Variants in EMB observed in about 807,000 individuals in gnomAD.
The protein encoded by EMB is embigin, also known as embigin homolog.
EMB carries 31 observed loss-of-function variants against 41.4 expected under a neutral mutation model. The ratio of observed to expected loss-of-function variants is 0.75; its 90% CI spans 0.56 to 1.01. EMB has a LOEUF of 1.01. EMB is among the 50% of genes least tolerant of loss of function. The pLI, the probability that EMB is intolerant of heterozygous loss-of-function variation, is 0.00. For missense variants in EMB, 379 were observed against 388.3 expected (o/e 0.98, Z 0.20); for synonymous variants, 137 against 140.4 (o/e 0.98, Z 0.17).
intron 5 of EMB, among the ~76,000 whole-genome samples, chr5:50,405,151 T>C (rs1745227435): frequency 6.6e-6 from 1 of 151,962 alleles, no homozygotes. Flanking sequence ...ATCAGCTCTT[T>C]GAATAGCGAT....
At chr5:50,432,414 G>A (rs1745734418) in intron 1 of EMB, among the ~76,000 whole-genome samples, 2 of 152,014 alleles carry the variant, frequency 1.3e-5, no homozygotes, top group Non-Finnish European at 2.9e-5. Flanking sequence ...CAGAAACACT[G>A]ATAGGAATGA....
chr5:50,399,427 A>C, intron 8 of EMB, 137 bp from the exon 9 acceptor site: 1 of 1,261,428 alleles, frequency 7.9e-7, no homozygotes. Context: ...CTCCTACTCT[A>C]ATGTTGATGA....
At chr5:50,430,530 A>G (rs189282454) in intron 1 of EMB, among the ~76,000 whole-genome samples, 21 of 152,314 alleles carry the variant, frequency 1.4e-4, no homozygotes, top group African/African-American at 4.8e-4. Flanking sequence ...CTGATGGAGA[A>G]TATGAAGCTG....
intron 2 of EMB, among the ~76,000 whole-genome samples, chr5:50,427,137 TTCTC>T (rs1745624615): frequency 6.6e-6 from 1 of 152,132 alleles, no homozygotes; most frequent in African/African-American, 2.4e-5. Flanking sequence ...TATATAACAT[TTCTC>T]TCTAATAAAA....
At chr5:50,439,002 T>C (rs1347062957) in intron 1 of EMB, among the ~76,000 whole-genome samples, 3 of 151,552 alleles carry the variant, frequency 2.0e-5, no homozygotes, top group African/African-American at 4.9e-5. Flanking sequence ...GTCTAGGCCA[T>C]ATCATTTTAA....
intron 2 of EMB, among the ~76,000 whole-genome samples, chr5:50,417,763 T>C (rs16879103): frequency 0.062 from 9,490 of 152,172 alleles, 929 homozygotes; most frequent in African/African-American, 0.21. Flanking sequence ...ACTTTTAGAA[T>C]TTTTTTTACA....
chr5:50,406,472 A>C (rs1745251174), intron 4 of EMB, among the ~76,000 whole-genome samples: 1 of 151,862 alleles, frequency 6.6e-6, no homozygotes, highest in African/African-American at 2.4e-5. Flanking sequence ...AGGAAGTTTG[A>C]AGTAGATTCC....
rs1745089338 is a variant in EMB at position 50,397,525 on chromosome 5, C to T, written c.*1748G>A. The T allele has an allele frequency of 6.6e-6, 1 of 152,072 alleles. No homozygotes were observed. Among genetic ancestry groups the T allele is most frequent in the African/African-American group, 2.4e-5 (1 of 41,426 alleles). The allele number at this position is 152,072 out of a possible 1,614,324, so 9.4% of individuals were successfully genotyped here. On this transcript the variant is annotated 3_prime_UTR_variant, in exon 9 of 9. Transcript: ENST00000303221. ...GAATGCATACTGCAGATGGGTTACA[C>T]ATTTGTTTGTGTTCTATATTCCAAG... is the stretch of plus-strand genomic sequence containing the variant.
intron 6 of EMB, 82 bp downstream of exon 6, chr5:50,403,096 T>C: frequency 7.9e-7 from 1 of 1,270,478 alleles, no homozygotes; most frequent in Admixed American, 2.6e-5. Flanking sequence ...CAAATCATAA[T>C]CCATATCATA....
At chr5:50,399,708 T>C in intron 8 of EMB, 151 bp downstream of exon 8, 1 of 630,036 alleles carries the variant, frequency 1.6e-6, no homozygotes, top group Non-Finnish European at 2.8e-6. Context: ...ATACTGTATA[T>C]TTTCCCCTAT....
chr5:50,421,051 ATTAAGT>A (rs1336409413), intron 2 of EMB, among the ~76,000 whole-genome samples: 1 of 152,200 alleles, frequency 6.6e-6, no homozygotes, highest in Non-Finnish European at 1.5e-5. Context: ...AATATCTACA[ATTAAGT>A]TTAACTACAA....
chr5:50,428,902 A>T (rs891133920), intron 1 of EMB, among the ~76,000 whole-genome samples: 8 of 151,222 alleles, frequency 5.3e-5, no homozygotes, highest in African/African-American at 1.9e-4. Flanking sequence ...TTTTATTTTT[A>T]TTTTTATTTT....
At chr5:50,433,420 G>A (rs1745756450) in intron 1 of EMB, among the ~76,000 whole-genome samples, 1 of 151,998 alleles carries the variant, frequency 6.6e-6, no homozygotes, top group South Asian at 2.1e-4. Context: ...ACCTCTACAT[G>A]GGTCACTAAG....
rs71590679 is a variant in EMB, at chr5:50,429,970, C to T, written c.113-1743G>A. Reference sequence around the variant, plus strand: ...CCTCTCACCCTCCCCAACTCTCTTTCTCTCTCTCTCTCTCTCTCTCTCTCT... The same window carrying T: ...CCTCTCACCCTCCCCAACTCTCTTTTTCTCTCTCTCTCTCTCTCTCTCTCT... On this transcript the variant is annotated intron_variant, in intron 1 of 8. Coordinates refer to ENST00000303221, the MANE Select transcript of EMB (RefSeq NM_198449.3). Among the ~76,000 whole-genome samples, 278 of 28,758 alleles carry T rather than the reference C, an allele frequency of 9.7e-3. 1 individual carries two copies. The highest frequency in any genetic ancestry group is 0.021 in the African/African-American group (80 of 3,726). 18.9% of individuals were successfully genotyped at this position (28,758 alleles called of 152,430 possible).
intron 7 of EMB, 68 bp from the exon 8 acceptor site, chr5:50,399,981 T>C (rs1745134965): frequency 9.1e-6 from 9 of 984,166 alleles, no homozygotes; most frequent in Non-Finnish European, 1.4e-5. Context: ...AGTACATCAC[T>C]GATATGGCTA....
chr5:50,409,653 A>G (rs944069266), intron 4 of EMB, among the ~76,000 whole-genome samples: 4 of 151,766 alleles, frequency 2.6e-5, no homozygotes, highest in African/African-American at 9.7e-5. Flanking sequence ...GGACAGAAAA[A>G]GGGAAAGGAA....
At chr5:50,437,816 G>T (rs1385525624) in intron 1 of EMB, among the ~76,000 whole-genome samples, 1 of 152,118 alleles carries the variant, frequency 6.6e-6, no homozygotes, top group Non-Finnish European at 1.5e-5. Context: ...AAGTTAAAAG[G>T]ATCATTTTAA....
chr5:50,414,472 C>T (rs1431765743), intron 2 of EMB, among the ~76,000 whole-genome samples: 1 of 131,566 alleles, frequency 7.6e-6, no homozygotes, highest in Non-Finnish European at 1.5e-5. Context: ...CTGCAGTGAG[C>T]TAAGGTGGCA....
intron 1 of EMB, among the ~76,000 whole-genome samples, chr5:50,431,657 G>A (rs1168509294): frequency 6.6e-6 from 1 of 152,098 alleles, no homozygotes. Context: ...ATAAATATGA[G>A]TGATGATGCC....
Sources: gnomAD v4.1 joint callset for allele counts (sites outside exome capture counted in the v4.1 genomes callset) on GRCh38, gnomAD v4.1.1 for gene constraint, MANE v1.5 for transcripts, NCBI Gene and HGNC (gene_info 2026-07-23, HGNC 2026-07-21) for gene names.